The following IL1RAPL2 variants were observed in gnomAD, a reference collection of about 807,000 sequenced individuals.
IL1RAPL2 encodes interleukin 1 receptor accessory protein like 2.
In IL1RAPL2, 3 loss-of-function variants were observed where a neutral mutation model predicts 44.1. That is an observed-to-expected ratio of 0.07 (90% confidence interval 0.03 to 0.18). The LOEUF is 0.18. Among genes scored for constraint, IL1RAPL2 ranks in the 10% least tolerant of loss-of-function variants. IL1RAPL2 has a pLI of 1.00. For missense variants in IL1RAPL2, 391 were observed against 496.4 expected (o/e 0.79, Z 2.02); for synonymous variants, 181 against 178.8 (o/e 1.01, Z -0.10).
At chrX:105,387,205 T>C (rs2035482905) in intron 5 of IL1RAPL2, among the ~76,000 whole-genome samples, 1 of 109,319 alleles carries the variant, frequency 9.1e-6, no homozygotes, top group Admixed American at 9.8e-5. Flanking sequence ...AACCTACATG[T>C]ACTTCATAAA....
intron 6 of IL1RAPL2, among the ~76,000 whole-genome samples, chrX:105,630,215 T>A (rs139744375): frequency 9.0e-6 from 1 of 111,586 alleles, no homozygotes; most frequent in Non-Finnish European, 1.9e-5. Context: ...GACCTTCCTA[T>A]TGAGAGTAAA....
intron 1 of IL1RAPL2, among the ~76,000 whole-genome samples, chrX:104,653,426 G>T (rs184477713): frequency 1.8e-5 from 2 of 111,478 alleles, no homozygotes; most frequent in East Asian, 5.7e-4. Flanking sequence ...TCTCCCGAGG[G>T]TTCTTTATCC....
At chrX:105,263,137 G>C (rs1004297905) in intron 4 of IL1RAPL2, among the ~76,000 whole-genome samples, 75 of 110,343 alleles carry the variant, frequency 6.8e-4, no homozygotes, top group African/African-American at 2.5e-3. Context: ...CACCCGCCTC[G>C]GCCTCCCAAA....
chrX:105,031,956 A>C (rs986916401), intron 2 of IL1RAPL2, among the ~76,000 whole-genome samples: 12 of 111,131 alleles, frequency 1.1e-4, no homozygotes, highest in Non-Finnish European at 2.3e-4. Flanking sequence ...TAGACTTGGG[A>C]GGGTGTATGT....
chrX:105,329,664 A>G (rs1427067454), intron 5 of IL1RAPL2, among the ~76,000 whole-genome samples: 4 of 111,487 alleles, frequency 3.6e-5, no homozygotes, highest in Non-Finnish European at 7.5e-5. Context: ...CAAGACATCT[A>G]ATGCAGAACT....
intron 2 of IL1RAPL2, among the ~76,000 whole-genome samples, chrX:104,839,581 T>C (rs1444573915): frequency 8.9e-6 from 1 of 111,995 alleles, no homozygotes; most frequent in Non-Finnish European, 1.9e-5. Flanking sequence ...GGTTTTGGTA[T>C]CAGGATGATG....
chrX:105,696,696 A>G (rs1014361970), intron 6 of IL1RAPL2, among the ~76,000 whole-genome samples: 4 of 111,206 alleles, frequency 3.6e-5, no homozygotes, highest in Non-Finnish European at 7.6e-5. Context: ...GCACATGTGA[A>G]TACCTAGGGC....
intron 7 of IL1RAPL2, among the ~76,000 whole-genome samples, chrX:105,740,147 A>G (rs1440133417): frequency 1.8e-5 from 2 of 111,370 alleles, no homozygotes; most frequent in Admixed American, 1.9e-4. Flanking sequence ...AAGGCAAGAA[A>G]TAACTAAAAT....
intron 2 of IL1RAPL2, among the ~76,000 whole-genome samples, chrX:105,116,076 G>T (rs1033262904): frequency 2.9e-5 from 3 of 102,899 alleles, no homozygotes; most frequent in Non-Finnish European, 6.0e-5. Flanking sequence ...CCTGGTTCCC[G>T]CCTGCGCCTC....
At position 105,015,791 on chromosome X, in the gene IL1RAPL2, A is replaced by C. The variant is rs192779245; in HGVS notation, c.83-179684A>C. On this transcript the variant is annotated intron_variant, in intron 2 of 10. Coordinates refer to ENST00000372582, the MANE Select transcript of IL1RAPL2 (RefSeq NM_017416.2). Reference sequence around the variant, plus strand: ...CTTTTTGCTTAGGATTGTCTTGGCTATGCGGGCTCTTTTTGATTCCATATG... The same window carrying C: ...CTTTTTGCTTAGGATTGTCTTGGCTCTGCGGGCTCTTTTTGATTCCATATG... 3.1e-3 allele frequency among the ~76,000 whole-genome samples: 352 copies of C among 111,840 alleles called. 1 individual carries two copies. The South Asian group carries it at 0.037, about 12-fold the overall frequency.
intron 2 of IL1RAPL2, among the ~76,000 whole-genome samples, chrX:104,896,026 G>GGAGGAGTGTTGTTTTTATACTGACCA (rs1260213016): frequency 9.0e-6 from 1 of 111,724 alleles, no homozygotes; most frequent in Admixed American, 9.5e-5. Context: ...CCTTCTTAGG[G>GGAGGAGTGTTGTTTTTATACTGACCA]GAGGAGTGTT....
chrX:105,059,656 G>A (rs768884931), intron 2 of IL1RAPL2, among the ~76,000 whole-genome samples: 3 of 110,675 alleles, frequency 2.7e-5, no homozygotes, highest in Non-Finnish European at 5.7e-5. Flanking sequence ...TCAGCCTCCC[G>A]AGTAGCTTGG....
At chrX:105,638,948 T>G (rs779064988) in intron 6 of IL1RAPL2, among the ~76,000 whole-genome samples, 9 of 112,222 alleles carry the variant, frequency 8.0e-5, no homozygotes, top group Non-Finnish European at 1.3e-4. Context: ...GAGAAAAAAT[T>G]ACATTAATGA....
chrX:104,584,324 T>C (rs935960656), intron 1 of IL1RAPL2, among the ~76,000 whole-genome samples: 3 of 111,306 alleles, frequency 2.7e-5, no homozygotes, highest in African/African-American at 3.3e-5. Flanking sequence ...AATCCTGATA[T>C]AGCACTTTCC....
At chrX:104,618,823 A>T (rs1929330440) in intron 1 of IL1RAPL2, among the ~76,000 whole-genome samples, 1 of 111,272 alleles carries the variant, frequency 9.0e-6, no homozygotes, top group Non-Finnish European at 1.9e-5. Context: ...CTATACCAGG[A>T]TCTATGCCCA....
At chrX:105,305,835 T>A (rs760839123) in intron 5 of IL1RAPL2, among the ~76,000 whole-genome samples, 3 of 111,895 alleles carry the variant, frequency 2.7e-5, no homozygotes, top group Non-Finnish European at 5.6e-5. Flanking sequence ...GGACATCTGC[T>A]CGGGGCAGAG....
chrX:104,707,941 T>G (rs946207400), intron 2 of IL1RAPL2, among the ~76,000 whole-genome samples: 3 of 111,726 alleles, frequency 2.7e-5, no homozygotes, highest in African/African-American at 9.7e-5. Context: ...TTATAATCAC[T>G]TGTCACCCTC....
intron 2 of IL1RAPL2, among the ~76,000 whole-genome samples, chrX:104,721,146 G>A (rs999692962): frequency 1.8e-5 from 2 of 111,258 alleles, no homozygotes; most frequent in Non-Finnish European, 3.8e-5. Flanking sequence ...CTAGAACCAG[G>A]AATACTATTT....
intron 2 of IL1RAPL2, among the ~76,000 whole-genome samples, chrX:104,787,376 C>A (rs2147605834): frequency 9.0e-6 from 1 of 111,427 alleles, no homozygotes; most frequent in Non-Finnish European, 1.9e-5. Flanking sequence ...GCCCTTGATA[C>A]TCCGTACCTC....
Sources: allele counts gnomAD v4.1 joint callset (sites outside exome capture counted in the v4.1 genomes callset), GRCh38; gene constraint gnomAD v4.1.1; transcripts MANE v1.5; gene names NCBI Gene and HGNC (gene_info 2026-07-23, HGNC 2026-07-21).